LETM1: variants seen among roughly 807,000 people sequenced by gnomAD.
The protein encoded by LETM1 is leucine zipper and EF-hand containing transmembrane protein 1, also known as mitochondrial proton/calcium exchanger protein.
Under a neutral mutation model 74.5 loss-of-function variants are expected in LETM1, and 50 were observed. The ratio of observed to expected loss-of-function variants is 0.67; its 90% CI spans 0.53 to 0.85. The LOEUF is 0.85. Among genes scored for constraint, LETM1 ranks in the 40% least tolerant of loss-of-function variants. LETM1 has a pLI of 0.00. For missense variants in LETM1, 824 were observed against 967.8 expected (o/e 0.85, Z 1.97); for synonymous variants, 446 against 407.1 (o/e 1.10, Z -1.15).
chr4:1,829,526 C>T (rs977303479), intron 6 of LETM1, among the ~76,000 whole-genome samples: 6 of 152,330 alleles, frequency 3.9e-5, no homozygotes, highest in South Asian at 4.1e-4. Flanking sequence ...GTAAAGATGC[C>T]GTTCTTGGCC....
chr4:1,853,813 C>T (rs1229540304), intron 1 of LETM1, among the ~76,000 whole-genome samples: 1 of 152,184 alleles, frequency 6.6e-6, no homozygotes, highest in Non-Finnish European at 1.5e-5. Flanking sequence ...TATCACTCAT[C>T]AGTTCAGGGA....
In LETM1 at chr4:1,841,410, G is replaced by A. The variant is rs750791474; in HGVS notation, c.531C>T (p.Ile177=). The change falls in exon 3 of 14, where the codon ATC becomes ATT. Residue 177 remains isoleucine, a synonymous_variant. Transcript: ENST00000302787. ...GGATGCGCCAGAGCATGCGTGCCGC[G>A]ATCTTGGTGTCGATCCATAGCAGGC... ...GFRLLWIDTK[I]AARMLWRILN... The A allele has an allele frequency of 5.6e-6, 9 of 1,614,176 alleles. No individual in the cohort carries two copies. Among genetic ancestry groups the A allele is most frequent in the Middle Eastern group, 1.6e-4 (1 of 6,062 alleles).
In LETM1 at chr4:1,841,782, G is replaced by A. The variant is rs545614105; in HGVS notation, c.159C>T (p.Gly53=). Residue 53 remains glycine (G), a synonymous_variant, in exon 3 of 14, where the codon GGC becomes GGT. Coordinates refer to ENST00000302787, the MANE Select transcript of LETM1 (RefSeq NM_012318.3). Reference sequence around the variant, plus strand: ...ACACAGGGTGGATGGGAGTGCAGCAGCCAAATGGAACATTCCTTGAAAAGG... The same window carrying A: ...ACACAGGGTGGATGGGAGTGCAGCAACCAAATGGAACATTCCTTGAAAAGG... ...GLRNCLNVPF[G]CCTPIHPVYT... The A allele has an allele frequency of 1.2e-6, 2 of 1,612,238 alleles. No homozygotes were observed. The highest frequency in any genetic ancestry group is 1.3e-5 in the African/African-American group (1 of 75,034).
Position 1,822,201 on chromosome 4 carries a change from G to T in LETM1, c.1588C>A (p.Pro530Thr). 6.7e-7 allele frequency: 1 copy of T among 1,483,502 alleles called. No individual in the cohort carries two copies. Among genetic ancestry groups the T allele is most frequent in the Non-Finnish European group, 9.1e-7 (1 of 1,103,482 alleles). The allele number at this position is 1,483,502 out of a possible 1,614,324, so 91.9% of individuals were successfully genotyped here. The change falls in exon 10 of 14, where the codon CCG becomes ACG. Residue 530 changes from proline to threonine, a missense_variant. Pro to Thr is a conservative substitution (Grantham distance 38). This residue lies in a region of LETM1 where 172 missense variants were observed against 170.7 expected (regional missense o/e 1.01). Coordinates refer to ENST00000302787, the MANE Select transcript of LETM1 (RefSeq NM_012318.3). ...ATTACCTTCAAGCCCTCCAGCACCG[G>T]GGCAGTGTCCTTCAAGGTCTCTGAC... ...LQSETLKDTA[P>T]VLEGLKEEEI...
chr4:1,828,271 G>A (rs1426660695), intron 6 of LETM1, among the ~76,000 whole-genome samples: 17 of 113,924 alleles, frequency 1.5e-4, no homozygotes, highest in East Asian at 5.6e-4. Flanking sequence ...CTGGCCGGGC[G>A]GGGGGCTGAC....
intron 10 of LETM1, among the ~76,000 whole-genome samples, chr4:1,820,280 C>T (rs1044157143): frequency 6.6e-6 from 1 of 152,076 alleles, no homozygotes; most frequent in African/African-American, 2.4e-5. Context: ...TACAGTACTC[C>T]GTGGACAGCA....
chr4:1,855,918 G>T lies in LETM1; in HGVS notation c.33C>A (p.Gly11=). The T allele has an allele frequency of 8.1e-7, 1 of 1,237,404 alleles. No individual in the cohort carries two copies. The highest frequency in any genetic ancestry group is 3.4e-5 in the South Asian group (1 of 29,238). The allele number at this position is 1,237,404 out of a possible 1,614,324, so 76.7% of individuals were successfully genotyped here. MASILLRSCR[G]RAPARLPPPP... is the part of the protein sequence containing the mutation. ...GCGGCGGGAGGCGGGCGGGCGCCCG[G>T]CCGCGGCAGCTCCTCAGTAAGATGG... The change falls in exon 1 of 14, where the codon GGC becomes GGA. Residue 11 remains glycine (G), a synonymous_variant. Coordinates refer to ENST00000302787, the MANE Select transcript of LETM1 (RefSeq NM_012318.3).
intron 3 of LETM1, among the ~76,000 whole-genome samples, chr4:1,840,837 A>C (rs1481260510): frequency 1.3e-5 from 2 of 152,056 alleles, no homozygotes; most frequent in Non-Finnish European, 2.9e-5. Context: ...GTGGGATCTG[A>C]TGTTATCTCT....
intron 13 of LETM1, 76 bp downstream of exon 13, chr4:1,815,588 C>A (rs767200904): frequency 6.5e-7 from 1 of 1,544,808 alleles, no homozygotes. Context: ...GCCGGACATG[C>A]AATGAACAGT....
rs1015073272 is a variant in LETM1 at position 1,855,943 on chromosome 4, G to A, written c.8C>T (p.Ser3Phe). The change falls in exon 1 of 14, where the codon TCC becomes TTC. Residue 3 changes from serine to phenylalanine, a missense_variant. Physicochemically the swap from Ser to Phe is radical, Grantham distance 155. This residue lies in a region of LETM1 where 222 missense variants were observed against 195.6 expected (regional missense o/e 1.14). Transcript: ENST00000302787. ...GCCGCGGCAGCTCCTCAGTAAGATGGACGCCATGTGCTCGGGCGCGGCGGC... is the reference window on the plus strand; with the variant it reads ...GCCGCGGCAGCTCCTCAGTAAGATGAACGCCATGTGCTCGGGCGCGGCGGC... MA[S>F]ILLRSCRGRA... 20 of 1,224,272 alleles carry A rather than the reference G, an allele frequency of 1.6e-5. No individual in the cohort carries two copies. The African/African-American group carries it at 2.5e-4, about 15-fold the overall frequency. 75.8% of individuals were successfully genotyped at this position (1,224,272 alleles called of 1,614,324 possible). A position where few individuals can be genotyped will look rare whatever the true frequency, so the allele number is the denominator to read the frequency against.
chr4:1,825,380 GGT>G (rs1171569389), intron 7 of LETM1, among the ~76,000 whole-genome samples, 182 bp downstream of exon 7: 1 of 152,272 alleles, frequency 6.6e-6, no homozygotes, highest in Non-Finnish European at 1.5e-5. Flanking sequence ...CGAATGCAGG[GGT>G]GTGAGTGCGG....
At chr4:1,823,219 C>A (rs912276420) in intron 8 of LETM1, 88 bp from the exon 9 acceptor site, 2 of 1,454,108 alleles carry the variant, frequency 1.4e-6, no homozygotes, top group East Asian at 4.8e-5. Context: ...CCTGTGTCCC[C>A]TGCCCCGTCA....
chr4:1,855,467 C>T (rs149247448), intron 1 of LETM1, among the ~76,000 whole-genome samples: 1 of 152,358 alleles, frequency 6.6e-6, no homozygotes, highest in Non-Finnish European at 1.5e-5. Context: ...AGGTCCTGCT[C>T]GCCGGTGTCT....
intron 6 of LETM1, 22 bp from the exon 7 acceptor site, chr4:1,825,705 T>G (rs1560484415): frequency 1.2e-6 from 2 of 1,602,784 alleles, no homozygotes; most frequent in Non-Finnish European, 1.7e-6. Flanking sequence ...AGCAGTGAAT[T>G]ATCATCTGGG....
At chr4:1,816,517 G>A (rs1360860525) in intron 12 of LETM1, among the ~76,000 whole-genome samples, 1 of 152,188 alleles carries the variant, frequency 6.6e-6, no homozygotes, top group African/African-American at 2.4e-5. Flanking sequence ...AGGAAGAGGG[G>A]CCAGGAAGGG....
chr4:1,829,868 C>T (rs565400003), intron 6 of LETM1, among the ~76,000 whole-genome samples: 56 of 151,964 alleles, frequency 3.7e-4, no homozygotes, highest in African/African-American at 1.3e-3. Context: ...AATGAAACAA[C>T]GACACACACA....
Position 1,836,791 on chromosome 4 carries a change from C to G in LETM1, c.595-219G>C, listed in dbSNP as rs1452546133. On this transcript the variant is annotated intron_variant, in intron 3 of 13. Coordinates refer to ENST00000302787, the MANE Select transcript of LETM1 (RefSeq NM_012318.3). This position sits in a 1 kb window ranked among gnomAD's most constrained non-coding sequence, Gnocchi z 5.8. ...CAGGTACCAGCAGCCTCCAGAAAAG[C>G]AGGGTATGGTGCTGACACCAAGGGC... Among the ~76,000 whole-genome samples the G allele has an allele frequency of 6.6e-6, 1 of 152,150 alleles. No homozygotes were observed. The highest frequency in any genetic ancestry group is 1.5e-5 in the Non-Finnish European group (1 of 68,022).
intron 9 of LETM1, chr4:1,822,676 C>T: frequency 2.9e-6 from 1 of 350,792 alleles, no homozygotes; most frequent in Non-Finnish European, 5.1e-6. Context: ...GCCTGCAGCT[C>T]CTCTGCCAGC....
intron 2 of LETM1, among the ~76,000 whole-genome samples, chr4:1,845,266 C>T (rs1186515916): frequency 1.3e-5 from 2 of 152,082 alleles, no homozygotes; most frequent in Non-Finnish European, 2.9e-5. Context: ...TTACCTGCAT[C>T]TGTAAAATAA....
Sources: allele counts gnomAD v4.1 joint callset (sites outside exome capture counted in the v4.1 genomes callset), GRCh38; gene constraint gnomAD v4.1.1; regional missense constraint gnomAD v4.1.1; non-coding constraint Gnocchi (gnomAD v3.1); transcripts MANE v1.5; gene names NCBI Gene and HGNC (gene_info 2026-07-23, HGNC 2026-07-21).